PCDH15: variants seen among roughly 807,000 people sequenced by gnomAD.
PCDH15 encodes protocadherin related 15.
Under a neutral mutation model 178.5 loss-of-function variants are expected in PCDH15, and 129 were observed. The ratio of observed to expected loss-of-function variants is 0.72; its 90% CI spans 0.63 to 0.84. The LOEUF (loss-of-function observed/expected upper bound fraction) is 0.84, where lower values mean the gene tolerates loss of function less well. Among genes scored for constraint, PCDH15 ranks in the 40% least tolerant of loss-of-function variants. PCDH15 has a pLI of 0.00. For synonymous variants in PCDH15, 800 were observed against 732.0 expected (o/e 1.09, Z -1.50); for missense variants, 2,230 against 2,099.9 (o/e 1.06, Z -1.21).
At chr10:53,959,918 G>T in intron 22 of PCDH15, 74 bp from the exon 23 acceptor site, 1 of 1,144,694 alleles carries the variant, frequency 8.7e-7, no homozygotes, top group Non-Finnish European at 1.3e-6. Context: ...TTATATGTAT[G>T]TTTTTACTTA....
In PCDH15 at chr10:53,947,760, C is replaced by T. The variant is rs886467056; in HGVS notation, c.3123-6785G>A. Among the ~76,000 whole-genome samples, 3 of 152,090 alleles carry T rather than the reference C, an allele frequency of 2.0e-5. 1 individual carries two copies. Among genetic ancestry groups the T allele is most frequent in the South Asian group, 4.1e-4 (2 of 4,822 alleles). Reference sequence around the variant, plus strand: ...CCAAAAGACTAGACACTGCTTTTTACGTATGTTCCAAAGAATGCGTGCTTT... The same window carrying T: ...CCAAAAGACTAGACACTGCTTTTTATGTATGTTCCAAAGAATGCGTGCTTT... On this transcript the variant is annotated intron_variant, in intron 23 of 37. Transcript: ENST00000644397.
intron 2 of PCDH15, among the ~76,000 whole-genome samples, chr10:55,117,251 A>G (rs1408473099): frequency 6.6e-6 from 1 of 152,218 alleles, no homozygotes; most frequent in Non-Finnish European, 1.5e-5. Flanking sequence ...TTCTTTTTAA[A>G]TATGAAATCA....
At chr10:54,257,941 G>T (rs995947765) in intron 8 of PCDH15, among the ~76,000 whole-genome samples, 2 of 151,956 alleles carry the variant, frequency 1.3e-5, no homozygotes, top group Non-Finnish European at 2.9e-5. Context: ...CCTCTGCATG[G>T]GGCACGGCCC....
At chr10:54,579,055 T>C (rs954924357) in intron 2 of PCDH15, among the ~76,000 whole-genome samples, 1 of 151,958 alleles carries the variant, frequency 6.6e-6, no homozygotes, top group African/African-American at 2.4e-5. Flanking sequence ...ATTAAATACA[T>C]AGTCTGCAGA....
At chr10:54,612,613 G>T (rs1425416994) in intron 2 of PCDH15, among the ~76,000 whole-genome samples, 1 of 151,604 alleles carries the variant, frequency 6.6e-6, no homozygotes, top group African/African-American at 2.4e-5. Flanking sequence ...AGAATATATT[G>T]TGTGTGGCTC....
At chr10:54,073,781 A>T (rs1329860883) in intron 17 of PCDH15, among the ~76,000 whole-genome samples, 1 of 152,194 alleles carries the variant, frequency 6.6e-6, no homozygotes, top group African/African-American at 2.4e-5. Flanking sequence ...TAGGCTACAG[A>T]ATAACTTCAC....
chr10:54,034,766 T>C (rs1267707523), intron 18 of PCDH15, among the ~76,000 whole-genome samples: 2 of 151,880 alleles, frequency 1.3e-5, no homozygotes, highest in Non-Finnish European at 2.9e-5. Flanking sequence ...ACTATGTAAA[T>C]AGTAGGTAAC....
intron 33 of PCDH15, among the ~76,000 whole-genome samples, chr10:53,819,557 T>TTATATCATGTATA (rs2076181862): frequency 6.6e-6 from 1 of 152,042 alleles, no homozygotes; most frequent in African/African-American, 2.4e-5. Flanking sequence ...ATTATTTATT[T>TTATATCATGTATA]TATATCATGT....
chr10:55,281,964 A>G (rs1228808014), intron 1 of PCDH15, among the ~76,000 whole-genome samples: 1 of 152,182 alleles, frequency 6.6e-6, no homozygotes, highest in Non-Finnish European at 1.5e-5. Flanking sequence ...CTTAGTCTAA[A>G]TTACCATTAT....
At chr10:54,740,469 T>G (rs7904546) in intron 1 of PCDH15, among the ~76,000 whole-genome samples, 5,489 of 151,800 alleles carry the variant, frequency 0.036, 345 homozygotes, top group African/African-American at 0.13. Context: ...AGTATGAAGG[T>G]TCTACTGAAA....
At chr10:55,164,023 G>T (rs1400835464) in intron 2 of PCDH15, among the ~76,000 whole-genome samples, 1 of 152,082 alleles carries the variant, frequency 6.6e-6, no homozygotes, top group Non-Finnish European at 1.5e-5. Context: ...TTGGGGTCTG[G>T]ATTGGGACCC....
chr10:53,904,606 G>A (rs1209721789), intron 25 of PCDH15, among the ~76,000 whole-genome samples: 2 of 151,976 alleles, frequency 1.3e-5, no homozygotes, highest in South Asian at 4.2e-4. Context: ...AGAATCAAGA[G>A]GAAAATCATG....
chr10:54,466,786 A>G (rs997802272), intron 3 of PCDH15, among the ~76,000 whole-genome samples: 4 of 151,962 alleles, frequency 2.6e-5, no homozygotes, highest in East Asian at 3.9e-4. Flanking sequence ...AATTCTTCCA[A>G]TCCACGAGCA....
At chr10:55,194,089 C>G (rs1840017017) in intron 1 of PCDH15, among the ~76,000 whole-genome samples, 1 of 151,954 alleles carries the variant, frequency 6.6e-6, no homozygotes, top group African/African-American at 2.4e-5. Flanking sequence ...TATTATTATT[C>G]TCACCATCTT....
chr10:54,012,202 T>G (rs1395009757), intron 20 of PCDH15, among the ~76,000 whole-genome samples: 1 of 152,080 alleles, frequency 6.6e-6, no homozygotes, highest in Non-Finnish European at 1.5e-5. Context: ...GCGTGAAGAC[T>G]GGCTCTCTGA....
chr10:55,070,109 A>G (rs1841689928), intron 2 of PCDH15, among the ~76,000 whole-genome samples: 1 of 150,372 alleles, frequency 6.7e-6, no homozygotes, highest in African/African-American at 2.4e-5. Flanking sequence ...TCCTTCGCCC[A>G]CTTTTTGATG....
At chr10:54,389,957 T>C (rs1164227407) in intron 3 of PCDH15, among the ~76,000 whole-genome samples, 2 of 152,048 alleles carry the variant, frequency 1.3e-5, no homozygotes, top group East Asian at 1.9e-4. Context: ...TAAAATAAAA[T>C]AAAATAGCCA....
intron 2 of PCDH15, among the ~76,000 whole-genome samples, chr10:54,654,107 T>C (rs1307675374): frequency 6.6e-6 from 1 of 152,226 alleles, no homozygotes; most frequent in East Asian, 1.9e-4. Flanking sequence ...TGAAATGTTA[T>C]AACTTTTGAT....
intron 1 of PCDH15, among the ~76,000 whole-genome samples, chr10:55,293,702 A>T (rs1029340553): frequency 3.3e-5 from 5 of 152,178 alleles, no homozygotes; most frequent in Non-Finnish European, 7.4e-5. Context: ...AACAAGAGTT[A>T]CCTTTGCTCC....
Sources: gnomAD v4.1 joint callset for allele counts (sites outside exome capture counted in the v4.1 genomes callset) on GRCh38, gnomAD v4.1.1 for gene constraint, MANE v1.5 for transcripts, NCBI Gene and HGNC (gene_info 2026-07-23, HGNC 2026-07-21) for gene names.